RGS20: variants seen among roughly 807,000 people sequenced by gnomAD.
RGS20 encodes the protein gz-selective GTPase-activating protein.
In RGS20, 30 loss-of-function variants were observed where a neutral mutation model predicts 33.6. The observed-to-expected ratio is 0.89, with a 90% CI of 0.67 to 1.21. The LOEUF is 1.21. Among genes scored for constraint, RGS20 ranks in the 50% most tolerant of loss-of-function variants. The pLI is 0.00. For synonymous variants in RGS20, 208 were observed against 197.9 expected (o/e 1.05, Z -0.43); for missense variants, 472 against 502.4 (o/e 0.94, Z 0.58).
chr8:53,918,288 G>A (rs930385732), intron 2 of RGS20, among the ~76,000 whole-genome samples: 1 of 152,080 alleles, frequency 6.6e-6, no homozygotes, highest in Non-Finnish European at 1.5e-5. Context: ...CAGTCTCTAT[G>A]GATTTGCCTA....
intron 2 of RGS20, among the ~76,000 whole-genome samples, chr8:53,927,774 T>C (rs757769812): frequency 2.0e-5 from 3 of 152,176 alleles, no homozygotes; most frequent in Non-Finnish European, 4.4e-5. Flanking sequence ...GATATGTGCA[T>C]AGAGTTCTCC....
At chr8:53,936,490 C>T (rs1016846815) in intron 2 of RGS20, among the ~76,000 whole-genome samples, 7 of 152,000 alleles carry the variant, frequency 4.6e-5, no homozygotes, top group Non-Finnish European at 7.4e-5. Flanking sequence ...GAGTGAACTC[C>T]GATTCACAAT....
At chr8:53,890,403 T>C (rs1449865346) in intron 2 of RGS20, among the ~76,000 whole-genome samples, 1 of 152,258 alleles carries the variant, frequency 6.6e-6, no homozygotes, top group Non-Finnish European at 1.5e-5. Flanking sequence ...TGAGATCATC[T>C]GTGTGCCTGT....
chr8:53,878,506 T>C (rs1238770462), intron 1 of RGS20, among the ~76,000 whole-genome samples: 1 of 152,040 alleles, frequency 6.6e-6, no homozygotes, highest in East Asian at 1.9e-4. Flanking sequence ...AAGGCCGGTG[T>C]TCCCGGGAAT....
intron 1 of RGS20, chr8:53,876,631 G>A (rs1241616430): frequency 2.0e-5 from 3 of 152,252 alleles, no homozygotes; most frequent in Non-Finnish European, 4.4e-5. Context: ...CTTCGGCTCT[G>A]TCCTTGCCAG....
rs1399520176 is a variant in RGS20, at chr8:53,860,491, A to G, written c.165+8427A>G. On this transcript the variant is annotated intron_variant, in intron 1 of 5. Coordinates refer to ENST00000297313, the MANE Select transcript of RGS20 (RefSeq NM_170587.4). ...CTGTCTGTTCAAATTGCATATGACT[A>G]GAAGACAAAAGGAAATAGCAAGGAG... Among the ~76,000 whole-genome samples, 5 of 152,254 alleles carry G rather than the reference A, an allele frequency of 3.3e-5. No homozygotes were observed. The South Asian group carries it at 8.3e-4, about 25-fold the overall frequency.
chr8:53,868,455 C>T (rs1415760377), intron 1 of RGS20, among the ~76,000 whole-genome samples: 4 of 152,202 alleles, frequency 2.6e-5, no homozygotes, highest in African/African-American at 4.8e-5. Flanking sequence ...AGAAATCATC[C>T]GGCCTCACTG....
intron 2 of RGS20, among the ~76,000 whole-genome samples, chr8:53,913,023 T>G (rs1166664147): frequency 6.6e-6 from 1 of 152,054 alleles, no homozygotes; most frequent in East Asian, 1.9e-4. Flanking sequence ...TGGAGTGCAG[T>G]GGTGCAAACT....
chr8:53,954,042 C>A (rs1369844604), intron 4 of RGS20, 34 bp from the exon 4 acceptor site: 3 of 1,394,212 alleles, frequency 2.2e-6, no homozygotes, highest in East Asian at 2.3e-5. Context: ...ACTAACAGTT[C>A]CCTTTTGCCC....
At chr8:53,863,112 C>T (rs866312031) in intron 1 of RGS20, among the ~76,000 whole-genome samples, 5 of 152,112 alleles carry the variant, frequency 3.3e-5, no homozygotes, top group African/African-American at 7.2e-5. Flanking sequence ...CTCAGCCTCC[C>T]GAGTAGCTGG....
At chr8:53,881,214 G>A in intron 2 of RGS20, 130 bp downstream of exon 1, 1 of 661,976 alleles carries the variant, frequency 1.5e-6, no homozygotes, top group South Asian at 2.4e-5. Flanking sequence ...CGTTGCTGCG[G>A]GGCGGGAGCC....
At chr8:53,880,899 A>G in intron 2 of RGS20, 1 of 1,503,312 alleles carries the variant, frequency 6.7e-7, no homozygotes, top group Non-Finnish European at 8.9e-7. Context: ...AGGCCGGGAG[A>G]AGAGGGCTAG....
Position 53,916,163 on chromosome 8 carries a change from C to A in RGS20, c.511-23413C>A, listed in dbSNP as rs369527263. Among the ~76,000 whole-genome samples the A allele has an allele frequency of 4.7e-4, 72 of 152,226 alleles. 1 individual carries two copies. The highest frequency in any genetic ancestry group is 1.7e-3 in the African/African-American group (70 of 41,542). ...TCAACCTCCTAAGGAGCTGGGACTA[C>A]AGGCATGTACCACAAAGTCCGGCTA... is the stretch of plus-strand genomic sequence containing the variant. On this transcript the variant is annotated intron_variant, in intron 2 of 5. Coordinates refer to ENST00000297313, the MANE Select transcript of RGS20 (RefSeq NM_170587.4).
chr8:53,917,384 G>A (rs988111396), intron 2 of RGS20, among the ~76,000 whole-genome samples: 2 of 151,990 alleles, frequency 1.3e-5, no homozygotes, highest in Non-Finnish European at 1.5e-5. Flanking sequence ...CCTGACCTCA[G>A]GTGATCCGCC....
intron 1 of RGS20, among the ~76,000 whole-genome samples, chr8:53,873,427 C>A (rs945888513): frequency 6.6e-6 from 1 of 152,228 alleles, no homozygotes; most frequent in African/African-American, 2.4e-5. Flanking sequence ...AACCTCTATT[C>A]TATTTTCTGT....
rs1440210808 is a variant in RGS20 at position 53,851,908 on chromosome 8, G to C, written c.9G>C (p.Gln3His). 6.2e-7 allele frequency: 1 copy of C among 1,613,896 alleles called. No individual in the cohort carries two copies. The highest frequency in any genetic ancestry group is 8.5e-7 in the Non-Finnish European group (1 of 1,179,976). Reference sequence around the variant, plus strand: ...GCCTTTATTGTGAAAACATGCCCCAGCTTTCCCAAGATAACCAAGAGTGCC... The same window carrying C: ...GCCTTTATTGTGAAAACATGCCCCACCTTTCCCAAGATAACCAAGAGTGCC... Residue 3 changes from glutamine to histidine, a missense_variant, in exon 1 of 6, where the codon CAG becomes CAC. Physicochemically the swap from Gln to His is conservative, Grantham distance 24. This residue lies in a region of RGS20 where 28 missense variants were observed against 49.6 expected (regional missense o/e 0.57). Coordinates refer to ENST00000297313, the MANE Select transcript of RGS20 (RefSeq NM_170587.4).
chr8:53,857,148 A>T (rs560722487), intron 1 of RGS20, among the ~76,000 whole-genome samples: 9 of 152,362 alleles, frequency 5.9e-5, no homozygotes, highest in Non-Finnish European at 1.0e-4. Context: ...AAATAATTCC[A>T]TAGTAAGTAG....
chr8:53,910,525 G>A (rs776266061), intron 2 of RGS20, among the ~76,000 whole-genome samples: 30 of 152,140 alleles, frequency 2.0e-4, no homozygotes, highest in Non-Finnish European at 3.8e-4. Flanking sequence ...TCCTTTGAAA[G>A]ACAAGTTGGC....
intron 1 of RGS20, among the ~76,000 whole-genome samples, chr8:53,855,842 G>T (rs765963093): frequency 6.6e-6 from 1 of 152,182 alleles, no homozygotes; most frequent in Non-Finnish European, 1.5e-5. Context: ...TATTGTTGTG[G>T]TTATTCCAGT....
Sources: allele counts gnomAD v4.1 joint callset (sites outside exome capture counted in the v4.1 genomes callset), GRCh38; gene constraint gnomAD v4.1.1; regional missense constraint gnomAD v4.1.1; transcripts MANE v1.5; gene names NCBI Gene and HGNC (gene_info 2026-07-23, HGNC 2026-07-21).